CNTNAP5: variants seen among roughly 807,000 people sequenced by gnomAD.
CNTNAP5 encodes contactin-associated protein-like 5.
CNTNAP5 carries 72 observed loss-of-function variants against 150.2 expected under a neutral mutation model. The ratio of observed to expected loss-of-function variants is 0.48; its 90% CI spans 0.40 to 0.58. CNTNAP5 has a LOEUF of 0.58. Ranked by LOEUF, CNTNAP5 falls within the 20% of genes least tolerant of loss-of-function variation. The probability of loss-of-function intolerance (pLI) is 0.00; values close to 1 mark genes in which losing one functional copy is unlikely to be tolerated. For synonymous variants in CNTNAP5, 672 were observed against 619.8 expected (o/e 1.08, Z -1.25); for missense variants, 1,636 against 1,626.2 (o/e 1.01, Z -0.10).
chr2:124,780,404 ACTT>A (rs1681426147), intron 17 of CNTNAP5, among the ~76,000 whole-genome samples: 2 of 152,288 alleles, frequency 1.3e-5, no homozygotes, highest in East Asian at 1.9e-4. Flanking sequence ...GCTGGATTTT[ACTT>A]CTTCTCACAA....
chr2:124,504,634 A>C, intron 8 of CNTNAP5, 78 bp downstream of exon 8: 1 of 1,430,702 alleles, frequency 7.0e-7, no homozygotes, highest in Non-Finnish European at 9.6e-7. Flanking sequence ...AAAAACATAC[A>C]GAATCCAAAT....
intron 1 of CNTNAP5, among the ~76,000 whole-genome samples, chr2:124,166,254 G>A (rs1323847754): frequency 6.6e-6 from 1 of 152,106 alleles, no homozygotes; most frequent in East Asian, 1.9e-4. Flanking sequence ...ACGGACTGTT[G>A]TTTTGTTTAA....
chr2:124,179,988 T>TC (rs1685171192), intron 1 of CNTNAP5, among the ~76,000 whole-genome samples: 1 of 152,260 alleles, frequency 6.6e-6, no homozygotes, highest in Middle Eastern at 3.4e-3. Flanking sequence ...ATTTTTTTTT[T>TC]CTACCTAGGT....
chr2:124,125,946 C>T (rs1683687020), intron 1 of CNTNAP5, among the ~76,000 whole-genome samples: 1 of 152,054 alleles, frequency 6.6e-6, no homozygotes, highest in South Asian at 2.1e-4. Context: ...CACTAAATGT[C>T]CACAAGGGAA....
In CNTNAP5 at chr2:124,084,924, G is replaced by GTTTTGTTTTGTT. The variant is rs1553435818; in HGVS notation, c.82+59196_82+59197insGTTTTGTTTTTT. ...TAAAAATTATGAATTCAAGTTTCCT[G>GTTTTGTTTTGTT]TTTTTTTTTTTTTTTGAGACGGAGT... On this transcript the variant is annotated intron_variant, in intron 1 of 23. Coordinates refer to ENST00000682447, the MANE Select transcript of CNTNAP5 (RefSeq NM_001367498.1). Among the ~76,000 whole-genome samples the GTTTTGTTTTGTT allele has an allele frequency of 4.1e-4, 37 of 89,994 alleles. 2 individuals are homozygous for GTTTTGTTTTGTT. The highest frequency in any genetic ancestry group is 6.4e-4 in the Non-Finnish European group (32 of 50,098). 59.0% of individuals were successfully genotyped at this position (89,994 alleles called of 152,430 possible). A position where few individuals can be genotyped will look rare whatever the true frequency, so the allele number is the denominator to read the frequency against.
At chr2:124,230,516 A>G (rs1489405469) in intron 2 of CNTNAP5, among the ~76,000 whole-genome samples, 2 of 150,416 alleles carry the variant, frequency 1.3e-5, no homozygotes, top group African/African-American at 4.9e-5. Flanking sequence ...GTGTGTGTAT[A>G]TATATATATA....
intron 1 of CNTNAP5, among the ~76,000 whole-genome samples, chr2:124,081,442 T>G (rs2104674950): frequency 6.6e-6 from 1 of 152,322 alleles, no homozygotes; most frequent in South Asian, 2.1e-4. Flanking sequence ...AGCAACCTTC[T>G]TTTAGGTGCT....
chr2:124,761,638 T>C (rs1342052311), intron 14 of CNTNAP5, among the ~76,000 whole-genome samples: 1 of 152,116 alleles, frequency 6.6e-6, no homozygotes, highest in Admixed American at 6.6e-5. Context: ...TTCCATTTAT[T>C]ACTAACACAA....
At chr2:124,309,818 G>C (rs144403817) in intron 3 of CNTNAP5, among the ~76,000 whole-genome samples, 2 of 152,322 alleles carry the variant, frequency 1.3e-5, no homozygotes, top group Non-Finnish European at 2.9e-5. Flanking sequence ...GCTCTGCATA[G>C]AATCAACAAA....
chr2:124,263,032 C>T (rs889550487), intron 3 of CNTNAP5, among the ~76,000 whole-genome samples: 3 of 152,122 alleles, frequency 2.0e-5, no homozygotes, highest in Non-Finnish European at 4.4e-5. Flanking sequence ...GCCACATTTT[C>T]TTAATCCAGT....
intron 10 of CNTNAP5, among the ~76,000 whole-genome samples, chr2:124,535,188 C>T (rs55931742): frequency 0.022 from 3,321 of 152,138 alleles, 110 homozygotes; most frequent in African/African-American, 0.075. Flanking sequence ...GTGATGCTAC[C>T]GGGGAAGATC....
chr2:124,365,533 T>C (rs1004750676), intron 3 of CNTNAP5, among the ~76,000 whole-genome samples: 4 of 152,172 alleles, frequency 2.6e-5, no homozygotes, highest in African/African-American at 9.7e-5. Flanking sequence ...ACAGAGAACA[T>C]GGCATTGGAA....
At chr2:124,178,663 C>T (rs982920561) in intron 1 of CNTNAP5, among the ~76,000 whole-genome samples, 3 of 152,164 alleles carry the variant, frequency 2.0e-5, no homozygotes, top group African/African-American at 7.2e-5. Flanking sequence ...AGAGGTAGTG[C>T]TCATTCTCCA....
Position 124,219,973 on chromosome 2 carries a change from T to C in CNTNAP5, c.83-1732T>C, listed in dbSNP as rs112084574. Among the ~76,000 whole-genome samples, 520 of 152,216 alleles carry C rather than the reference T, an allele frequency of 3.4e-3. 2 individuals carry two copies. The highest frequency in any genetic ancestry group is 0.011 in the African/African-American group (470 of 41,544). On this transcript the variant is annotated intron_variant, in intron 1 of 23. Transcript: ENST00000682447. ...ATTTGTCAAATACCTCAAAATATTT[T>C]TCAACATTTGTATTTGGGAAAAACT...
chr2:124,561,092 ATC>A (rs1200504333), intron 10 of CNTNAP5, among the ~76,000 whole-genome samples: 1 of 151,752 alleles, frequency 6.6e-6, no homozygotes, highest in Non-Finnish European at 1.5e-5. Flanking sequence ...TCATATGGAA[ATC>A]TCTGTTTGTG....
intron 19 of CNTNAP5, among the ~76,000 whole-genome samples, chr2:124,860,505 T>G (rs1348124233): frequency 2.9e-5 from 2 of 68,442 alleles, no homozygotes; most frequent in Admixed American, 1.6e-4. Context: ...CCTTCCTTCT[T>G]TCCTTCCTTC....
At chr2:124,510,507 AT>A in intron 8 of CNTNAP5, among the ~76,000 whole-genome samples, 1 of 135,646 alleles carries the variant, frequency 7.4e-6, no homozygotes, top group Non-Finnish European at 1.6e-5. Flanking sequence ...ATATATATAT[AT>A]ATATATATAT....
chr2:124,667,387 C>G (rs1678722955), intron 13 of CNTNAP5, among the ~76,000 whole-genome samples: 1 of 152,234 alleles, frequency 6.6e-6, no homozygotes, highest in African/African-American at 2.4e-5. Context: ...TGATATTACT[C>G]ATTTCACAGT....
At chr2:124,607,200 G>C (rs898975113) in intron 11 of CNTNAP5, among the ~76,000 whole-genome samples, 3 of 152,240 alleles carry the variant, frequency 2.0e-5, no homozygotes, top group East Asian at 1.9e-4. Flanking sequence ...CTCTGGGACC[G>C]TAAGCAACTT....
Sources: gnomAD v4.1 joint callset for allele counts (sites outside exome capture counted in the v4.1 genomes callset) on GRCh38, gnomAD v4.1.1 for gene constraint, MANE v1.5 for transcripts, NCBI Gene and HGNC (gene_info 2026-07-23, HGNC 2026-07-21) for gene names.